NAA16: variants seen among roughly 807,000 people sequenced by gnomAD.
The protein encoded by NAA16 is N-alpha-acetyltransferase 16, NatA auxiliary subunit.
A neutral mutation model predicts 110.3 loss-of-function variants in NAA16; 97 were observed. The ratio of observed to expected loss-of-function variants is 0.88; its 90% CI spans 0.75 to 1.04. NAA16 has a LOEUF of 1.04. NAA16 is among the 50% of genes least tolerant of loss of function. The pLI is 0.00. For synonymous variants in NAA16, 372 were observed against 330.6 expected (o/e 1.13, Z -1.36); for missense variants, 1,017 against 1,005.1 (o/e 1.01, Z -0.16).
chr13:41,328,428 CTT>C (rs1445526622), intron 6 of NAA16, among the ~76,000 whole-genome samples: 2 of 152,054 alleles, frequency 1.3e-5, no homozygotes, highest in Non-Finnish European at 2.9e-5. Flanking sequence ...TTGTGTGTGT[CTT>C]TACTTATTTC....
chr13:41,317,368 A>G lies in NAA16; in HGVS notation c.139+438A>G, dbSNP rs138655531. Among the ~76,000 whole-genome samples the G allele has an allele frequency of 7.0e-3, 1,072 of 152,208 alleles. 16 individuals are homozygous for G. Among genetic ancestry groups the G allele is most frequent in the African/African-American group, 0.025 (1,021 of 41,498 alleles). On this transcript the variant is annotated intron_variant, in intron 2 of 19. Coordinates refer to ENST00000379406, the MANE Select transcript of NAA16 (RefSeq NM_024561.5). ...TTTTTTAGTATGTGCTGACGTTTAC[A>G]TATGATATTACTAATTTACCATTAG...
intron 5 of NAA16, among the ~76,000 whole-genome samples, chr13:41,324,199 C>G (rs1226814920): frequency 6.6e-6 from 1 of 152,014 alleles, no homozygotes; most frequent in Non-Finnish European, 1.5e-5. Context: ...TTACGTCACA[C>G]CAGAGAATTG....
At chr13:41,322,476 T>G (rs1315288543) in intron 4 of NAA16, among the ~76,000 whole-genome samples, 2 of 152,078 alleles carry the variant, frequency 1.3e-5, no homozygotes, top group African/African-American at 4.8e-5. Flanking sequence ...GAGGATAGGT[T>G]GTGGGATGGG....
At chr13:41,368,345 G>T (rs1295490942) in intron 14 of NAA16, among the ~76,000 whole-genome samples, 1 of 152,140 alleles carries the variant, frequency 6.6e-6, no homozygotes. Flanking sequence ...AGTATTTAGA[G>T]ATCACAGGTG....
chr13:41,347,887 G>C (rs2042727270), intron 9 of NAA16, among the ~76,000 whole-genome samples: 1 of 152,132 alleles, frequency 6.6e-6, no homozygotes, highest in Non-Finnish European at 1.5e-5. Flanking sequence ...TTGACTGGAA[G>C]TGGTGAGAGT....
At chr13:41,342,346 C>T (rs1216816749) in intron 9 of NAA16, among the ~76,000 whole-genome samples, 2 of 152,118 alleles carry the variant, frequency 1.3e-5, no homozygotes, top group African/African-American at 4.8e-5. Flanking sequence ...TCGTGTTGCC[C>T]AGGCTGGTCT....
At chr13:41,370,355 T>C (rs904719095) in intron 15 of NAA16, among the ~76,000 whole-genome samples, 1 of 151,982 alleles carries the variant, frequency 6.6e-6, no homozygotes, top group African/African-American at 2.4e-5. Context: ...AAGTGCTCTA[T>C]CACAGGAAAA....
At position 41,375,494 on chromosome 13, in the gene NAA16, C is replaced by T. The variant is rs745918554; in HGVS notation, c.2487C>T (p.Asn829=). Residue 829 remains asparagine (N), a synonymous_variant, in exon 20 of 20, where the codon AAC becomes AAT. Coordinates refer to ENST00000379406, the MANE Select transcript of NAA16 (RefSeq NM_024561.5). ...AAGAATATAGGATGGCCTGTCATAA[C>T]CTGCTTCCTTTTACATCTGCCTTCT... ...QYEEYRMACH[N]LLPFTSAFLP... 4 of 1,614,054 alleles carry T rather than the reference C, an allele frequency of 2.5e-6. No individual in the cohort carries two copies. In the South Asian group the frequency reaches 4.4e-5, roughly 18 times the overall value.
intron 12 of NAA16, among the ~76,000 whole-genome samples, chr13:41,361,607 A>G (rs1255106166): frequency 6.6e-6 from 1 of 152,222 alleles, no homozygotes; most frequent in Non-Finnish European, 1.5e-5. Flanking sequence ...GACGTTATGT[A>G]TATGTGGGTT....
At chr13:41,319,271 C>CT (rs1316168521) in intron 3 of NAA16, among the ~76,000 whole-genome samples, 1 of 152,138 alleles carries the variant, frequency 6.6e-6, no homozygotes, top group Non-Finnish European at 1.5e-5. Context: ...CTGGGTAATA[C>CT]TTTCCTGTTA....
At chr13:41,337,431 T>C (rs1163212131) in intron 9 of NAA16, among the ~76,000 whole-genome samples, 3 of 151,232 alleles carry the variant, frequency 2.0e-5, no homozygotes, top group African/African-American at 7.3e-5. Flanking sequence ...TAGTCCCAGC[T>C]ACCCGGAAGC....
chr13:41,313,969 G>T (rs2041738052), intron 1 of NAA16, among the ~76,000 whole-genome samples: 1 of 151,474 alleles, frequency 6.6e-6, no homozygotes, highest in African/African-American at 2.4e-5. Context: ...CGATTCTCGT[G>T]CCTCAGCCTC....
At chr13:41,315,299 A>T (rs1157349232) in intron 1 of NAA16, among the ~76,000 whole-genome samples, 1 of 152,204 alleles carries the variant, frequency 6.6e-6, no homozygotes, top group Non-Finnish European at 1.5e-5. Flanking sequence ...TAAGCTTGGC[A>T]TGTTGAGTAA....
In NAA16 at chr13:41,358,390, T is replaced by C; in HGVS notation, c.1174T>C (p.Leu392=). Residue 392 remains leucine, a synonymous_variant, in exon 11 of 20, where the codon TTG becomes CTG. Transcript: ENST00000379406. ...CTTTGATAAACTTGGACAGTATTCT[T>C]TGGCTTTGGATTATATTAATGCTGC... ...QHFDKLGQYS[L]ALDYINAAIA... The C allele has an allele frequency of 6.2e-7, 1 of 1,613,846 alleles. No homozygotes were observed. Among genetic ancestry groups the C allele is most frequent in the Non-Finnish European group, 8.5e-7 (1 of 1,179,756 alleles).
intron 9 of NAA16, among the ~76,000 whole-genome samples, chr13:41,348,410 G>A (rs2042740822): frequency 6.6e-6 from 1 of 151,992 alleles, no homozygotes; most frequent in Admixed American, 6.6e-5. Flanking sequence ...CTCAGGTGAT[G>A]CACCCACCTT....
At chr13:41,336,921 T>A (rs1409015131) in intron 9 of NAA16, among the ~76,000 whole-genome samples, 165 bp downstream of exon 9, 4 of 152,210 alleles carry the variant, frequency 2.6e-5, no homozygotes, top group African/African-American at 7.2e-5. Flanking sequence ...ATAAGTAATA[T>A]CAAAGTAAAG....
In NAA16 at chr13:41,376,777, G is replaced by T. The variant is rs1443913920; in HGVS notation, c.*1175G>T. 2 of 152,114 alleles carry T rather than the reference G, an allele frequency of 1.3e-5. No homozygotes were observed. Among genetic ancestry groups the T allele is most frequent in the African/African-American group, 4.8e-5 (2 of 41,414 alleles). 9.4% of individuals were successfully genotyped at this position (152,114 alleles called of 1,614,324 possible). A position where few individuals can be genotyped will look rare whatever the true frequency, so the allele number is the denominator to read the frequency against. ...AAACAGTATTTTTTGGGGGCGGGTGGATAGCTTTTTGTTCTATCTTGTACA... is the reference window on the plus strand; with the variant it reads ...AAACAGTATTTTTTGGGGGCGGGTGTATAGCTTTTTGTTCTATCTTGTACA... On this transcript the variant is annotated 3_prime_UTR_variant, in exon 20 of 20. Transcript: ENST00000379406.
intron 9 of NAA16, 123 bp from the exon 10 acceptor site, chr13:41,355,021 T>A (rs374395015): frequency 1.5e-4 from 88 of 581,832 alleles, no homozygotes; most frequent in African/African-American, 1.4e-3. Context: ...GATACCCTAG[T>A]CTTTTAATTA....
At chr13:41,325,566 T>A (rs934416808) in intron 5 of NAA16, 132 bp from the exon 6 acceptor site, 2 of 475,124 alleles carry the variant, frequency 4.2e-6, no homozygotes, top group Admixed American at 4.1e-5. Context: ...TTAATCACTC[T>A]TCTGTTTGTA....
Sources: allele counts gnomAD v4.1 joint callset (sites outside exome capture counted in the v4.1 genomes callset), GRCh38; gene constraint gnomAD v4.1.1; transcripts MANE v1.5; gene names NCBI Gene and HGNC (gene_info 2026-07-23, HGNC 2026-07-21).